The following ACKR3 variants were observed in gnomAD, a reference collection of about 807,000 sequenced individuals.
ACKR3 encodes C-X-C chemokine receptor type 7.
Under a neutral mutation model 22.4 loss-of-function variants are expected in ACKR3, and 6 were observed. The ratio of observed to expected loss-of-function variants is 0.27; its 90% CI spans 0.15 to 0.53. The LOEUF is 0.53. Among genes scored for constraint, ACKR3 ranks in the 20% least tolerant of loss-of-function variants. The pLI, the probability that ACKR3 is intolerant of heterozygous loss-of-function variation, is 0.96. For synonymous variants in ACKR3, 209 were observed against 205.2 expected, an observed-to-expected ratio of 1.02 and a Z score of -0.16; for missense variants, 396 against 475.2, an observed-to-expected ratio of 0.83 and a Z score of 1.55.
At chr2:236,565,156 C>T (rs1273143681), upstream of ACKR3, among the ~76,000 whole-genome samples, 1 of 151,926 alleles carries the variant, frequency 6.6e-6, no homozygotes, top group Non-Finnish European at 1.5e-5. Flanking sequence ...TTCTAGATAC[C>T]TGCAAGAAAC....
the ACKR3 span, among the ~76,000 whole-genome samples, chr2:236,555,035 A>G: frequency 6.6e-6 from 1 of 152,232 alleles, no homozygotes; most frequent in Non-Finnish European, 1.5e-5. Flanking sequence ...TCACATGCCA[A>G]TCAAGTGGTT....
At chr2:236,546,010 G>GT in the ACKR3 span, among the ~76,000 whole-genome samples, 3 of 152,160 alleles carry the variant, frequency 2.0e-5, no homozygotes, top group Admixed American at 6.5e-5. This position sits in a 1 kb window ranked among gnomAD's most constrained non-coding sequence, Gnocchi z 4.9. Context: ...TTTCACCACT[G>GT]TAAGTTTTGC....
the ACKR3 span, among the ~76,000 whole-genome samples, chr2:236,556,029 T>C: frequency 6.6e-6 from 1 of 152,116 alleles, no homozygotes. Flanking sequence ...GTGGGGGCAA[T>C]CTGCCATGGG....
chr2:236,555,737 T>C, the ACKR3 span, among the ~76,000 whole-genome samples: 1 of 151,988 alleles, frequency 6.6e-6, no homozygotes, highest in East Asian at 1.9e-4. Context: ...AGATGCCTAC[T>C]TTTTTGCTTA....
At chr2:236,538,378 CA>C in the ACKR3 span, among the ~76,000 whole-genome samples, 1 of 152,186 alleles carries the variant, frequency 6.6e-6, no homozygotes, top group African/African-American at 2.4e-5. Context: ...AAAACGTGGT[CA>C]AAAGGATCCA....
the ACKR3 span, among the ~76,000 whole-genome samples, chr2:236,552,800 G>A: frequency 3.3e-5 from 5 of 152,270 alleles, no homozygotes; most frequent in Middle Eastern, 3.4e-3. Flanking sequence ...CCCCAGGGCC[G>A]AGAAGTAGGG....
rs574912756 is a variant in ACKR3 at position 236,580,963 on chromosome 2, C to G, written c.498C>G (p.Ile166Met). ...AGATGGTACGCCGTGTCGTCTGCAT[C>G]CTGGTGTGGCTGCTGGCCTTCTGCG... ...RKKMVRRVVC[I>M]LVWLLAFCVS... Residue 166 changes from isoleucine (I) to methionine (M), a missense_variant, in exon 2 of 2, where the codon ATC (isoleucine) becomes ATG (methionine). Ile to Met is a conservative substitution (Grantham distance 10, BLOSUM62 1). Transcript: ENST00000272928. 1.2e-6 allele frequency: 2 copies of G among 1,614,174 alleles called. No homozygotes were observed. Among genetic ancestry groups the G allele is most frequent in the Non-Finnish European group, 1.7e-6 (2 of 1,180,050 alleles).
rs917096711 is a variant in ACKR3 at position 236,574,541 on chromosome 2, A to G, written c.-27+4617A>G. On this transcript the variant is annotated intron_variant, in intron 1 of 1. Transcript: ENST00000272928. This position sits in a 1 kb window ranked among gnomAD's most constrained non-coding sequence, Gnocchi z 5.6. ...GAAGAGTCTGTGGTTGGAGACTGCAAACATGTGGAAGGGAGTTTGGAGGGA... is the reference window on the plus strand; with the variant it reads ...GAAGAGTCTGTGGTTGGAGACTGCAGACATGTGGAAGGGAGTTTGGAGGGA... Among the ~76,000 whole-genome samples the G allele has an allele frequency of 6.6e-6, 1 of 152,086 alleles. No homozygotes were observed. Among genetic ancestry groups the G allele is most frequent in the Admixed American group, 6.5e-5 (1 of 15,270 alleles).
chr2:236,561,054 G>A, the ACKR3 span, among the ~76,000 whole-genome samples: 12 of 152,330 alleles, frequency 7.9e-5, no homozygotes, highest in African/African-American at 2.4e-4. Flanking sequence ...GCCTGTCACA[G>A]AAAGACAAAT....
At chr2:236,573,613 G>T (rs1163320139) in intron 1 of ACKR3, among the ~76,000 whole-genome samples, 1 of 152,210 alleles carries the variant, frequency 6.6e-6, no homozygotes, top group Non-Finnish European at 1.5e-5. Context: ...TGGCCAGAGG[G>T]TCCCCCTTTT....
intron 1 of ACKR3, among the ~76,000 whole-genome samples, chr2:236,573,842 C>G (rs1398826539): frequency 6.6e-6 from 1 of 152,190 alleles, no homozygotes; most frequent in African/African-American, 2.4e-5. Flanking sequence ...TGGACAAGCC[C>G]TGGTCATATT....
chr2:236,548,001 T>G, the ACKR3 span, among the ~76,000 whole-genome samples: 1 of 152,202 alleles, frequency 6.6e-6, no homozygotes, highest in Non-Finnish European at 1.5e-5. This position sits in a 1 kb window ranked among gnomAD's most constrained non-coding sequence, Gnocchi z 4.3. Flanking sequence ...CTCTGAAGTC[T>G]TTCCTTCTGG....
the ACKR3 span, among the ~76,000 whole-genome samples, chr2:236,553,088 C>T: frequency 9.8e-5 from 15 of 152,328 alleles, no homozygotes; most frequent in East Asian, 1.9e-4. Flanking sequence ...CGTTCCAGGC[C>T]GCACAACACC....
At chr2:236,553,380 G>T in the ACKR3 span, among the ~76,000 whole-genome samples, 1 of 152,312 alleles carries the variant, frequency 6.6e-6, no homozygotes, top group East Asian at 1.9e-4. Context: ...GCAGATATAC[G>T]CTTACAGTCC....
upstream of ACKR3, among the ~76,000 whole-genome samples, chr2:236,569,273 CTT>C (rs550829084): frequency 1.3e-4 from 20 of 152,304 alleles, no homozygotes; most frequent in East Asian, 2.7e-3. Context: ...TATAAAGACT[CTT>C]TTCTCCACTT....
chr2:236,539,422 C>G, the ACKR3 span, among the ~76,000 whole-genome samples: 3 of 150,664 alleles, frequency 2.0e-5, no homozygotes, highest in African/African-American at 7.3e-5. Flanking sequence ...AAGCAATTCT[C>G]CTGCCTCAGC....
At chr2:236,552,396 T>C in the ACKR3 span, among the ~76,000 whole-genome samples, 15 of 143,574 alleles carry the variant, frequency 1.0e-4, no homozygotes, top group African/African-American at 4.4e-4. Context: ...AAATCAGAAC[T>C]AAGGGAAACT....
chr2:236,574,910 G>A lies in ACKR3; in HGVS notation c.-27+4986G>A, dbSNP rs938163395. ...CAGAGGAGTCCCTTTGCAGGCCATA[G>A]GCTGGCAGGGATGGAGGGCTGGACA... On this transcript the variant is annotated intron_variant, in intron 1 of 1. Transcript: ENST00000272928. The surrounding 1 kb of genome is among the most constrained non-coding windows in gnomAD (Gnocchi z 5.6). Among the ~76,000 whole-genome samples, 2 of 152,162 alleles carry A rather than the reference G, an allele frequency of 1.3e-5. No homozygotes were observed. Among genetic ancestry groups the A allele is most frequent in the Non-Finnish European group, 2.9e-5 (2 of 68,036 alleles).
chr2:236,581,158 C>T lies in ACKR3; in HGVS notation c.693C>T (p.Phe231=). The change falls in exon 2 of 2, where the codon TTC becomes TTT. Residue 231 remains phenylalanine (F), a synonymous_variant. Transcript: ENST00000272928. The surrounding 1 kb of genome is among the most constrained non-coding windows in gnomAD (Gnocchi z 4.4). ...FAVPFSIIAV[F]YFLLARAISA... ...TTCCCTTCTCCATTATCGCTGTCTT[C>T]TACTTCCTGCTGGCCAGAGCCATCT... The T allele has an allele frequency of 6.2e-7, 1 of 1,614,122 alleles. No individual in the cohort carries two copies. The highest frequency in any genetic ancestry group is 8.5e-7 in the Non-Finnish European group (1 of 1,179,952).
Sources: allele counts gnomAD v4.1 joint callset (sites outside exome capture counted in the v4.1 genomes callset), GRCh38; gene constraint gnomAD v4.1.1; non-coding constraint Gnocchi (gnomAD v3.1); transcripts MANE v1.5; gene names NCBI Gene and HGNC (gene_info 2026-07-23, HGNC 2026-07-21).